Variants in NLRP11 observed in about 807,000 individuals in gnomAD.
NLRP11 encodes the protein NLR family pyrin domain containing 11, also known as NACHT, LRR and PYD domains-containing protein 11.
In NLRP11, 53 loss-of-function variants were observed where a neutral mutation model predicts 79.3. The ratio of observed to expected loss-of-function variants is 0.67; its 90% CI spans 0.54 to 0.84. NLRP11 has a LOEUF of 0.84. Among genes scored for constraint, NLRP11 ranks in the 40% least tolerant of loss-of-function variants. The pLI, the probability that NLRP11 is intolerant of heterozygous loss-of-function variation, is 0.00. For synonymous variants in NLRP11, 518 were observed against 462.6 expected, an observed-to-expected ratio of 1.12 and a Z score of -1.54; for missense variants, 1,264 against 1,255.0, an observed-to-expected ratio of 1.01 and a Z score of -0.11.
intron 1 of NLRP11, among the ~76,000 whole-genome samples, chr19:55,827,677 A>C (rs1215381507): frequency 6.6e-6 from 1 of 151,684 alleles, no homozygotes; most frequent in African/African-American, 2.4e-5. Flanking sequence ...GCTCATCATC[A>C]CTGGCCATCA....
intron 5 of NLRP11, among the ~76,000 whole-genome samples, chr19:55,798,769 C>A (rs1014243894): frequency 1.3e-5 from 2 of 151,938 alleles, no homozygotes; most frequent in South Asian, 4.2e-4. Flanking sequence ...CACACACACA[C>A]CGGAAAACAA....
At chr19:55,807,412 T>C (rs184783380) in intron 4 of NLRP11, among the ~76,000 whole-genome samples, 4 of 152,312 alleles carry the variant, frequency 2.6e-5, no homozygotes, top group Admixed American at 2.0e-4. Context: ...TTTTGCTTTC[T>C]TCCTTAGGAT....
exon 4 of NLRP11, chr19:55,808,009 A>G (rs769192326): frequency 6.3e-7 from 1 of 1,585,552 alleles, no homozygotes; most frequent in South Asian, 1.1e-5. Flanking sequence ...AAGGCTCTTC[A>G]TTTGACTACA....
intron 7 of NLRP11, among the ~76,000 whole-genome samples, chr19:55,790,792 T>C (rs1484184579): frequency 6.6e-6 from 1 of 152,088 alleles, no homozygotes; most frequent in Non-Finnish European, 1.5e-5. Context: ...CAAAACCCTG[T>C]CGGTAAAATA....
chr19:55,833,255 G>A (rs1292265697), upstream of NLRP11, among the ~76,000 whole-genome samples: 2 of 152,108 alleles, frequency 1.3e-5, no homozygotes, highest in African/African-American at 4.8e-5. Flanking sequence ...TTATGAAGAT[G>A]TTAATATGCT....
At chr19:55,802,182 G>T (rs1285434371) in intron 4 of NLRP11, among the ~76,000 whole-genome samples, 1 of 151,910 alleles carries the variant, frequency 6.6e-6, no homozygotes, top group African/African-American at 2.4e-5. Context: ...TCAGGCAAGA[G>T]GAAGAAATAA....
At chr19:55,818,260 C>A (rs1981341974) in intron 1 of NLRP11, 24 bp from the exon 2 acceptor site, 1 of 1,061,030 alleles carries the variant, frequency 9.4e-7, no homozygotes, top group South Asian at 1.6e-5. Flanking sequence ...TGGAATCAGA[C>A]AATCAAACCA....
intron 1 of NLRP11, among the ~76,000 whole-genome samples, chr19:55,818,713 A>G (rs11666532): frequency 0.19 from 28,582 of 151,934 alleles, 3,756 homozygotes; most frequent in African/African-American, 0.38. Context: ...ACGTATAAGG[A>G]CTCCTAATGA....
At chr19:55,810,165 CATTGAG>C in exon 3 of NLRP11, 1 of 1,613,796 alleles carries the variant, frequency 6.2e-7, no homozygotes, top group Non-Finnish European at 8.5e-7. Flanking sequence ...ATCAGGAACA[CATTGAG>C]ATTGTTTGCT....
intron 7 of NLRP11, among the ~76,000 whole-genome samples, chr19:55,791,445 A>G (rs1181998558): frequency 6.6e-6 from 1 of 152,250 alleles, no homozygotes; most frequent in Non-Finnish European, 1.5e-5. Context: ...ACTTATAACT[A>G]CAAGACAGAA....
chr19:55,821,345 G>T (rs1216554670), intron 1 of NLRP11, among the ~76,000 whole-genome samples: 1 of 152,012 alleles, frequency 6.6e-6, no homozygotes, highest in Non-Finnish European at 1.5e-5. Flanking sequence ...CATGTCCTGG[G>T]TGACTCTGCC....
Position 55,809,288 on chromosome 19 carries a change from G to T in NLRP11, c.1322C>A (p.Thr441Asn). 6.2e-7 allele frequency: 1 copy of T among 1,614,042 alleles called. No individual in the cohort carries two copies. Among genetic ancestry groups the T allele is most frequent in the Non-Finnish European group, 8.5e-7 (1 of 1,179,912 alleles). The change falls in exon 3 of 10, where the codon ACT (threonine) becomes AAT (asparagine). Residue 441 changes from threonine to asparagine, a missense_variant. Thr to Asn is a moderately conservative substitution (Grantham distance 65). Coordinates refer to ENST00000589093, the Ensembl canonical transcript of NLRP11. This position sits in a 1 kb window ranked among gnomAD's most constrained non-coding sequence, Gnocchi z 4.5. Reference sequence around the variant, plus strand: ...TATGAACTTGTAACGGTCTTTATGAGTGTTGCTCGGCAAAAGAATATTCGC... The same window carrying T: ...TATGAACTTGTAACGGTCTTTATGATTGTTGCTCGGCAAAAGAATATTCGC...
rs747013423 is a variant in NLRP11, at chr19:55,809,132, G to C, written c.1478C>G (p.Thr493Ser). 1.2e-6 allele frequency: 2 copies of C among 1,613,878 alleles called. No individual in the cohort carries two copies. Among genetic ancestry groups the C allele is most frequent in the Non-Finnish European group, 8.5e-7 (1 of 1,179,956 alleles). Residue 493 changes from threonine to serine, a missense_variant, in exon 3 of 10, where the codon ACT becomes AGT. Transcript: ENST00000589093. This position sits in a 1 kb window ranked among gnomAD's most constrained non-coding sequence, Gnocchi z 4.5. The stretch of plus-strand genomic sequence containing the variant: ...TGCATTTAGAAGACCAAAAATGAAA[G>C]TAAACACTTGATTAAAGTCAGAGTA...
At chr19:55,819,834 T>C (rs1981508677) in intron 1 of NLRP11, among the ~76,000 whole-genome samples, 1 of 152,164 alleles carries the variant, frequency 6.6e-6, no homozygotes. Flanking sequence ...GTCACTGGTA[T>C]TGTAGACACA....
chr19:55,811,121 T>A (rs1980564182), intron 2 of NLRP11, among the ~76,000 whole-genome samples: 1 of 152,190 alleles, frequency 6.6e-6, no homozygotes, highest in African/African-American at 2.4e-5. Flanking sequence ...TATTTTTTTG[T>A]TTATGCATAT....
At position 55,807,878 on chromosome 19, in the gene NLRP11, A is replaced by C. The variant is rs1293124088; in HGVS notation, c.1978T>G (p.Ser660Ala). 6.2e-7 allele frequency: 1 copy of C among 1,612,570 alleles called. No homozygotes were observed. Among genetic ancestry groups the C allele is most frequent in the Non-Finnish European group, 8.5e-7 (1 of 1,179,216 alleles). ...TTGAGTGTGCGAAGTTTACAGCTAG[A>C]ATGCTCCAGGGCTTTAGACAGAATC... Residue 660 changes from serine to alanine, a missense_variant, in exon 4 of 10, where the codon TCT becomes GCT. By Grantham distance (99) the Ser-to-Ala change is moderately conservative. Transcript: ENST00000589093.
rs12979781 is a variant in NLRP11, at chr19:55,797,652, C to G, written c.2172-1402G>C. 2.0e-5 allele frequency among the ~76,000 whole-genome samples: 3 copies of G among 152,228 alleles called. No homozygotes were observed. In the South Asian group the frequency reaches 6.2e-4, roughly 32 times the overall value. On this transcript the variant is annotated intron_variant, in intron 5 of 9. Coordinates refer to ENST00000589093, the Ensembl canonical transcript of NLRP11. ...ACTTCCTTATGGGGCAGGCACTGAG[C>G]GAAGACTCTCACTGAGCCATCGTAC...
Position 55,809,603 on chromosome 19 carries a change from C to T in NLRP11, c.1007G>A (p.Cys336Tyr). The T allele has an allele frequency of 6.2e-7, 1 of 1,614,218 alleles. No individual in the cohort carries two copies. ...GATCCAGCATAAGATGGCGACTCGG[C>T]ACAGACCCACGAGTATTTCATCCTC... Residue 336 changes from cysteine to tyrosine, a missense_variant, in exon 3 of 10, where the codon TGC becomes TAC. By Grantham distance (194) the Cys-to-Tyr change is radical (BLOSUM62 -2). Transcript: ENST00000589093. This position sits in a 1 kb window ranked among gnomAD's most constrained non-coding sequence, Gnocchi z 4.5.
exon 10 of NLRP11, chr19:55,785,493 TCACACACA>T (rs878891245): frequency 0.09 from 37,905 of 422,606 alleles, 815 homozygotes; most frequent in African/African-American, 0.17. Context: ...TGGATCAAGG[TCACACACA>T]CACACACACA....
Sources: allele counts gnomAD v4.1 joint callset (sites outside exome capture counted in the v4.1 genomes callset), GRCh38; gene constraint gnomAD v4.1.1; non-coding constraint Gnocchi (gnomAD v3.1); transcripts MANE v1.5; gene names NCBI Gene and HGNC (gene_info 2026-07-23, HGNC 2026-07-21).